The following AGBL1 variants were observed in gnomAD, a reference collection of about 807,000 sequenced individuals.
The protein encoded by AGBL1 is AGBL carboxypeptidase 1.
AGBL1 carries 130 observed loss-of-function variants against 118.9 expected under a neutral mutation model. The observed-to-expected ratio is 1.09, with a 90% CI of 0.95 to 1.26. The LOEUF is 1.26. Ranked by LOEUF, AGBL1 falls within the 50% of genes most tolerant of loss-of-function variation. The probability of loss-of-function intolerance (pLI) is 0.00; values close to 1 mark genes in which losing one functional copy is unlikely to be tolerated. For synonymous variants in AGBL1, 555 were observed against 478.9 expected, an observed-to-expected ratio of 1.16 and a Z score of -2.08; for missense variants, 1,584 against 1,298.1, an observed-to-expected ratio of 1.22 and a Z score of -3.38.
chr15:86,374,362 T>G (rs1027700164), intron 17 of AGBL1, among the ~76,000 whole-genome samples: 1 of 152,238 alleles, frequency 6.6e-6, no homozygotes, highest in Non-Finnish European at 1.5e-5. Context: ...GGTCTGCATG[T>G]TTGACTTTAA....
At chr15:86,573,750 A>G (rs1378116947) in intron 21 of AGBL1, among the ~76,000 whole-genome samples, 2 of 152,128 alleles carry the variant, frequency 1.3e-5, no homozygotes, top group Non-Finnish European at 2.9e-5. Context: ...TATTTCTATG[A>G]AGCTTATAAT....
intron 22 of AGBL1, among the ~76,000 whole-genome samples, chr15:86,752,824 A>G (rs747526793): frequency 6.2e-4 from 94 of 152,240 alleles, no homozygotes; most frequent in Non-Finnish European, 7.6e-4. Context: ...AGGAGTAGCT[A>G]TTTATTTAGT....
Position 86,295,386 on chromosome 15 carries a change from T to G in AGBL1, c.2352T>G (p.Ser784Arg). 2 of 1,598,428 alleles carry G rather than the reference T, an allele frequency of 1.3e-6. No individual in the cohort carries two copies. The highest frequency in any genetic ancestry group is 1.7e-6 in the Non-Finnish European group (2 of 1,173,490). Residue 784 changes from serine (S) to arginine (R), a missense_variant, in exon 17 of 23, where the codon AGT becomes AGG. Ser to Arg is a moderately radical substitution (Grantham distance 110). Transcript: ENST00000614907. ...VTITAMPESN[S>R]DEHLEQFRHR... ...TCACGGCCATGCCTGAGTCCAACAGTGATGAGCATCTAGAGCAGTTCCGTG... is the reference window on the plus strand; with the variant it reads ...TCACGGCCATGCCTGAGTCCAACAGGGATGAGCATCTAGAGCAGTTCCGTG...
At chr15:86,518,063 C>T (rs113055824) in intron 18 of AGBL1, among the ~76,000 whole-genome samples, 88 of 152,326 alleles carry the variant, frequency 5.8e-4, no homozygotes, top group Non-Finnish European at 1.1e-3. Context: ...ATTATCTAGC[C>T]TGGCATCATT....
chr15:86,519,477 C>G (rs2083160213), intron 18 of AGBL1, among the ~76,000 whole-genome samples: 1 of 152,182 alleles, frequency 6.6e-6, no homozygotes, highest in Non-Finnish European at 1.5e-5. Context: ...AGAGCAGCAA[C>G]AGCTCTTCTG....
At chr15:86,158,336 A>C (rs369808668) in intron 4 of AGBL1, among the ~76,000 whole-genome samples, 1 of 152,112 alleles carries the variant, frequency 6.6e-6, no homozygotes, top group Non-Finnish European at 1.5e-5. Context: ...CTTCTCTAAG[A>C]CCTCTTGTTC....
chr15:86,233,525 A>G (rs1464554799), intron 6 of AGBL1, among the ~76,000 whole-genome samples: 1 of 152,130 alleles, frequency 6.6e-6, no homozygotes, highest in Non-Finnish European at 1.5e-5. Context: ...ATAGGCATTG[A>G]GAAACACCCA....
chr15:86,605,143 T>A (rs1227541550), intron 21 of AGBL1, among the ~76,000 whole-genome samples: 2 of 151,662 alleles, frequency 1.3e-5, no homozygotes, highest in Non-Finnish European at 2.9e-5. Context: ...TGAAGAATAT[T>A]TTTTTTAAAA....
chr15:86,724,363 G>A (rs1488320409), intron 22 of AGBL1, among the ~76,000 whole-genome samples: 1 of 152,086 alleles, frequency 6.6e-6, no homozygotes, highest in Non-Finnish European at 1.5e-5. Context: ...AGGGGCTACC[G>A]GTGTGGATCT....
intron 22 of AGBL1, among the ~76,000 whole-genome samples, chr15:86,708,377 C>T (rs1243409495): frequency 6.6e-6 from 1 of 152,078 alleles, no homozygotes; most frequent in Non-Finnish European, 1.5e-5. Context: ...TATGAGGACA[C>T]AGTGAGAAGG....
intron 18 of AGBL1, 43 bp from the exon 19 acceptor site, chr15:86,522,767 T>G (rs771738949): frequency 3.8e-6 from 6 of 1,595,604 alleles, no homozygotes; most frequent in Non-Finnish European, 5.1e-6. Context: ...CAAGTTATTT[T>G]CTTCTGAATG....
chr15:86,527,462 C>T (rs1181134820), intron 19 of AGBL1, among the ~76,000 whole-genome samples: 1 of 152,208 alleles, frequency 6.6e-6, no homozygotes, highest in Non-Finnish European at 1.5e-5. Context: ...GCACTAAATG[C>T]TGTTCACAGT....
chr15:86,578,890 T>C (rs1328426006), intron 21 of AGBL1, among the ~76,000 whole-genome samples: 1 of 152,194 alleles, frequency 6.6e-6, no homozygotes, highest in Non-Finnish European at 1.5e-5. Context: ...GGTATGTCTT[T>C]ATCAGCAGCA....
At chr15:86,893,871 G>A (rs181365863) in intron 22 of AGBL1, among the ~76,000 whole-genome samples, 1 of 152,266 alleles carries the variant, frequency 6.6e-6, no homozygotes, top group African/African-American at 2.4e-5. Context: ...TCATTTCTAT[G>A]TATATCATTT....
intron 24 of AGBL1, among the ~76,000 whole-genome samples, chr15:87,014,065 G>A (rs1054335012): frequency 6.6e-6 from 1 of 152,082 alleles, no homozygotes; most frequent in South Asian, 2.1e-4. Flanking sequence ...AATAATAAAT[G>A]ATAGACACTT....
chr15:86,783,201 T>A (rs2078358667), intron 22 of AGBL1, among the ~76,000 whole-genome samples: 3 of 152,194 alleles, frequency 2.0e-5, no homozygotes, highest in Admixed American at 2.0e-4. Context: ...TGCCTTTCCC[T>A]TCTTGTTAAT....
chr15:86,895,166 T>C (rs2080107189), intron 22 of AGBL1, among the ~76,000 whole-genome samples: 1 of 127,788 alleles, frequency 7.8e-6, no homozygotes, highest in Non-Finnish European at 1.8e-5. Context: ...TTTTCTTCTT[T>C]CTCTTTCCCC....
chr15:86,575,331 T>G (rs2084074752), intron 21 of AGBL1, among the ~76,000 whole-genome samples: 1 of 151,464 alleles, frequency 6.6e-6, no homozygotes, highest in African/African-American at 2.4e-5. Flanking sequence ...AGACCTTGTC[T>G]CTATCAAAAA....
At chr15:86,876,326 G>A (rs1427825874) in intron 22 of AGBL1, among the ~76,000 whole-genome samples, 3 of 152,146 alleles carry the variant, frequency 2.0e-5, no homozygotes, top group Admixed American at 2.0e-4. Flanking sequence ...GATGAATAGA[G>A]AGGGCCTTAG....
Sources: allele counts gnomAD v4.1 joint callset (sites outside exome capture counted in the v4.1 genomes callset), GRCh38; gene constraint gnomAD v4.1.1; transcripts MANE v1.5; gene names NCBI Gene and HGNC (gene_info 2026-07-23, HGNC 2026-07-21).